SPSB4: variants seen among roughly 807,000 people sequenced by gnomAD.
SPSB4 encodes splA/ryanodine receptor domain and SOCS box containing 4.
Under a neutral mutation model 20.9 loss-of-function variants are expected in SPSB4, and 21 were observed. That is an observed-to-expected ratio of 1.01 (90% CI 0.71 to 1.45). The LOEUF (loss-of-function observed/expected upper bound fraction) is 1.45, where lower values mean the gene tolerates loss of function less well. Ranked by LOEUF, SPSB4 falls within the 40% of genes most tolerant of loss-of-function variation. SPSB4 has a pLI of 0.00. For synonymous variants in SPSB4, 207 were observed against 183.8 expected, an observed-to-expected ratio of 1.13 and a Z score of -1.02; for missense variants, 399 against 399.2, an observed-to-expected ratio of 1.00 and a Z score of 0.00.
At chr3:141,141,173 G>A (rs901788995) in intron 2 of SPSB4, among the ~76,000 whole-genome samples, 19 of 152,246 alleles carry the variant, frequency 1.2e-4, no homozygotes, top group South Asian at 4.1e-4. Context: ...TGTTTAAGGC[G>A]TTGGAAGAGC....
chr3:141,120,316 G>A (rs1938947650), intron 2 of SPSB4, among the ~76,000 whole-genome samples: 1 of 152,196 alleles, frequency 6.6e-6, no homozygotes, highest in Non-Finnish European at 1.5e-5. Context: ...TGCATTTGCT[G>A]AGGAGTGTTT....
chr3:141,114,674 G>A (rs1938857753), intron 2 of SPSB4, among the ~76,000 whole-genome samples: 1 of 152,210 alleles, frequency 6.6e-6, no homozygotes, highest in Non-Finnish European at 1.5e-5. Flanking sequence ...GGGCATCTCA[G>A]TCTGTGGTCT....
chr3:141,091,213 G>A lies in SPSB4; in HGVS notation c.694+24415G>A, dbSNP rs150715993. 5.6e-3 allele frequency among the ~76,000 whole-genome samples: 846 copies of A among 152,332 alleles called. 8 individuals carry two copies. Among genetic ancestry groups the A allele is most frequent in the African/African-American group, 0.019 (809 of 41,564 alleles). Reference sequence around the variant, plus strand: ...TGTAGCATGAAATCCCCTGGCGAAGGAGGGTGGCTACTGAAGAGAAGAGGT... The same window carrying A: ...TGTAGCATGAAATCCCCTGGCGAAGAAGGGTGGCTACTGAAGAGAAGAGGT... On this transcript the variant is annotated intron_variant, in intron 2 of 2. Coordinates refer to ENST00000310546, the MANE Select transcript of SPSB4 (RefSeq NM_080862.3).
At chr3:141,122,089 A>G (rs1282704955) in intron 2 of SPSB4, among the ~76,000 whole-genome samples, 2 of 151,992 alleles carry the variant, frequency 1.3e-5, no homozygotes, top group African/African-American at 4.8e-5. Flanking sequence ...TGACCTACAG[A>G]TGGGGTTTTG....
chr3:141,111,138 T>C (rs1417078375), intron 2 of SPSB4, among the ~76,000 whole-genome samples: 1 of 152,220 alleles, frequency 6.6e-6, no homozygotes, highest in Non-Finnish European at 1.5e-5. Flanking sequence ...GACTATGTTC[T>C]GAAAACCAAA....
intron 1 of SPSB4, among the ~76,000 whole-genome samples, chr3:141,056,976 C>T (rs968615701): frequency 1.3e-5 from 2 of 152,258 alleles, no homozygotes; most frequent in Non-Finnish European, 2.9e-5. Flanking sequence ...CCAGCTTGCA[C>T]CTTGGGGGCC....
intron 2 of SPSB4, among the ~76,000 whole-genome samples, chr3:141,132,907 A>T (rs1393245056): frequency 6.6e-6 from 1 of 152,198 alleles, no homozygotes; most frequent in Non-Finnish European, 1.5e-5. Flanking sequence ...ACTGGTTTAC[A>T]TTCCCACCAG....
At chr3:141,073,313 C>T (rs978993742) in intron 2 of SPSB4, among the ~76,000 whole-genome samples, 4 of 152,208 alleles carry the variant, frequency 2.6e-5, no homozygotes, top group Non-Finnish European at 4.4e-5. Context: ...TCATCTTGCG[C>T]ACCTGATGAA....
At chr3:141,077,277 C>G (rs1049745124) in intron 2 of SPSB4, 1 of 152,214 alleles carries the variant, frequency 6.6e-6, no homozygotes, top group Non-Finnish European at 1.5e-5. Flanking sequence ...AGGCTCTCCC[C>G]GGTTCTTCAT....
At chr3:141,098,733 T>A (rs1222975141) in intron 2 of SPSB4, among the ~76,000 whole-genome samples, 3 of 152,254 alleles carry the variant, frequency 2.0e-5, no homozygotes, top group Non-Finnish European at 4.4e-5. Context: ...CAATTTTGCC[T>A]TCTTTTTCTA....
chr3:141,140,932 A>C (rs980359882), intron 2 of SPSB4, among the ~76,000 whole-genome samples: 1 of 152,246 alleles, frequency 6.6e-6, no homozygotes, highest in Non-Finnish European at 1.5e-5. Context: ...CCAGAGGTGG[A>C]GCCTCCAGAG....
At chr3:141,113,932 C>A (rs1938845588) in intron 2 of SPSB4, among the ~76,000 whole-genome samples, 1 of 152,118 alleles carries the variant, frequency 6.6e-6, no homozygotes, top group Admixed American at 6.5e-5. Flanking sequence ...CCCATCTCTA[C>A]AAAAAATTAG....
rs368249255 is a variant in SPSB4 at position 141,099,185 on chromosome 3, C to CT, written c.694+32404dup. ...AAACCATAGTAATGGGATAATATGA[C>CT]TTTTTTTTTTTTTTTTTGAGACGGA... On this transcript the variant is annotated intron_variant, in intron 2 of 2. Coordinates refer to ENST00000310546, the MANE Select transcript of SPSB4 (RefSeq NM_080862.3). Among the ~76,000 whole-genome samples, 1,156 of 139,368 alleles carry CT rather than the reference C, an allele frequency of 8.3e-3. 4 individuals carry two copies. Among genetic ancestry groups the CT allele is most frequent in the East Asian group, 0.022 (107 of 4,818 alleles). The allele number at this position is 139,368 out of a possible 152,430, so 91.4% of individuals were successfully genotyped here.
intron 2 of SPSB4, among the ~76,000 whole-genome samples, chr3:141,089,863 T>G (rs530777744): frequency 6.6e-6 from 1 of 152,314 alleles, no homozygotes; most frequent in Non-Finnish European, 1.5e-5. Context: ...AGGGTGACCT[T>G]GGGAAAGTCA....
At chr3:141,058,096 C>T (rs1278008350) in intron 1 of SPSB4, among the ~76,000 whole-genome samples, 1 of 152,202 alleles carries the variant, frequency 6.6e-6, no homozygotes, top group African/African-American at 2.4e-5. Context: ...GGGCATTTCA[C>T]GCAGTCACTA....
At chr3:141,132,233 T>G (rs1259644534) in intron 2 of SPSB4, 1 of 424,852 alleles carries the variant, frequency 2.4e-6, no homozygotes, top group African/African-American at 2.2e-5. Context: ...AGTGGCACGA[T>G]CTCGGCTCAC....
At chr3:141,125,969 G>C (rs964916869) in intron 2 of SPSB4, among the ~76,000 whole-genome samples, 2 of 152,106 alleles carry the variant, frequency 1.3e-5, no homozygotes, top group Non-Finnish European at 2.9e-5. Context: ...TTTGTGGGAA[G>C]GCCAGTCAAA....
intron 2 of SPSB4, among the ~76,000 whole-genome samples, chr3:141,143,507 C>T (rs561997134): frequency 6.6e-6 from 1 of 152,308 alleles, no homozygotes; most frequent in African/African-American, 2.4e-5. Flanking sequence ...CCAGCACCTG[C>T]TCTGGTGGAG....
chr3:141,144,151 C>T (rs1353049878), intron 2 of SPSB4, among the ~76,000 whole-genome samples: 4 of 152,190 alleles, frequency 2.6e-5, no homozygotes, highest in South Asian at 2.1e-4. Flanking sequence ...TCCTATCAGA[C>T]GTCTTCATCA....
Sources: gnomAD v4.1 joint callset for allele counts (sites outside exome capture counted in the v4.1 genomes callset) on GRCh38, gnomAD v4.1.1 for gene constraint, MANE v1.5 for transcripts, NCBI Gene and HGNC (gene_info 2026-07-23, HGNC 2026-07-21) for gene names.